Variants in EIF4G3 observed in about 807,000 individuals in gnomAD.
EIF4G3 encodes eIF-4-gamma 3.
EIF4G3 carries 34 observed loss-of-function variants against 186.4 expected under a neutral mutation model. The observed-to-expected ratio is 0.18, with a 90% CI of 0.14 to 0.24. The LOEUF is 0.24. Ranked by LOEUF, EIF4G3 falls within the 10% of genes least tolerant of loss-of-function variation. EIF4G3 has a pLI of 1.00. For synonymous variants in EIF4G3, 673 were observed against 679.5 expected (o/e 0.99, Z 0.15); for missense variants, 1,536 against 1,948.5 (o/e 0.79, Z 3.99).
chr1:20,882,312 C>A lies in EIF4G3; in HGVS notation c.2425-2792G>T, dbSNP rs574965388. Among the ~76,000 whole-genome samples, 13 of 151,732 alleles carry A rather than the reference C, an allele frequency of 8.6e-5. No individual in the cohort carries two copies. The South Asian group carries it at 2.7e-3, about 32-fold the overall frequency. The stretch of plus-strand genomic sequence containing the variant: ...GACTGCAGGAGGCCAGGAGTTTGGG[C>A]AACACTGCCTCTAAAAAATTTTTAG... On this transcript the variant is annotated intron_variant, in intron 19 of 36. Coordinates refer to ENST00000602326, the MANE Select transcript of EIF4G3 (RefSeq NM_001391906.1).
chr1:21,112,815 T>C (rs1268346615), intron 2 of EIF4G3, among the ~76,000 whole-genome samples: 3 of 152,190 alleles, frequency 2.0e-5, no homozygotes, highest in Non-Finnish European at 2.9e-5. Context: ...AGAAGGGGCA[T>C]ACTCAAAGTG....
chr1:21,148,650 C>T (rs113927259), intron 2 of EIF4G3, among the ~76,000 whole-genome samples: 2 of 148,356 alleles, frequency 1.3e-5, no homozygotes, highest in African/African-American at 5.0e-5. Context: ...TGCAGTGAGC[C>T]GAGATCGCGC....
At chr1:20,909,334 G>C (rs2092804599) in intron 14 of EIF4G3, among the ~76,000 whole-genome samples, 1 of 152,092 alleles carries the variant, frequency 6.6e-6, no homozygotes, top group Admixed American at 6.6e-5. Flanking sequence ...AGCTCTTAAA[G>C]AAACTGCTAA....
At chr1:21,044,649 G>GT (rs58303546) in intron 4 of EIF4G3, among the ~76,000 whole-genome samples, 1 of 124,200 alleles carries the variant, frequency 8.1e-6, no homozygotes, top group African/African-American at 2.9e-5. Flanking sequence ...TTTTTTTTTT[G>GT]TTTTTTTTTT....
At chr1:20,949,868 G>A in intron 13 of EIF4G3, 135 bp downstream of exon 13, 1 of 667,292 alleles carries the variant, frequency 1.5e-6, no homozygotes, top group Non-Finnish European at 2.5e-6. Context: ...TTAATTTTCT[G>A]CCTCAAAGCT....
chr1:20,923,940 A>G (rs2094681557), intron 14 of EIF4G3, among the ~76,000 whole-genome samples: 1 of 152,106 alleles, frequency 6.6e-6, no homozygotes, highest in Non-Finnish European at 1.5e-5. Context: ...CATGGTAGAT[A>G]TAAATTAGCA....
chr1:21,029,564 G>A (rs1013391376), intron 4 of EIF4G3, among the ~76,000 whole-genome samples: 1 of 152,032 alleles, frequency 6.6e-6, no homozygotes, highest in East Asian at 2.0e-4. Flanking sequence ...GAAGCCAGGA[G>A]TTTGAGACAA....
chr1:21,078,946 T>C (rs1221149715), intron 3 of EIF4G3, among the ~76,000 whole-genome samples: 4 of 152,098 alleles, frequency 2.6e-5, no homozygotes, highest in Non-Finnish European at 2.9e-5. Context: ...GATCATGCCA[T>C]TGCACTCCAA....
intron 12 of EIF4G3, among the ~76,000 whole-genome samples, chr1:20,969,182 A>G (rs1178425530): frequency 2.0e-5 from 3 of 152,262 alleles, no homozygotes; most frequent in Non-Finnish European, 4.4e-5. Flanking sequence ...TGAGGTTTCT[A>G]CAAGAATGCA....
intron 18 of EIF4G3, chr1:20,893,059 A>C (rs1420532494): frequency 9.2e-5 from 21 of 228,276 alleles, no homozygotes; most frequent in Non-Finnish European, 2.5e-5. Flanking sequence ...GACTATAAGC[A>C]TGCGCCAGCA....
intron 14 of EIF4G3, among the ~76,000 whole-genome samples, chr1:20,938,135 T>C (rs1439285686): frequency 6.6e-6 from 1 of 151,844 alleles, no homozygotes; most frequent in African/African-American, 2.4e-5. Context: ...TAGCTGGGAT[T>C]ACAGGCGCAT....
intron 2 of EIF4G3, among the ~76,000 whole-genome samples, chr1:21,173,502 C>T (rs988318076): frequency 6.6e-6 from 1 of 152,042 alleles, no homozygotes; most frequent in African/African-American, 2.4e-5. Flanking sequence ...GCCTGGTCAA[C>T]ATGGTGAAAC....
intron 25 of EIF4G3, among the ~76,000 whole-genome samples, chr1:20,856,652 G>A (rs1013502839): frequency 8.5e-5 from 13 of 152,144 alleles, no homozygotes; most frequent in African/African-American, 3.1e-4. Context: ...ATTTCTAGTA[G>A]GCCCTCTGTG....
chr1:21,044,881 C>T (rs1214823565), intron 4 of EIF4G3, among the ~76,000 whole-genome samples: 1 of 152,270 alleles, frequency 6.6e-6, no homozygotes, highest in East Asian at 1.9e-4. Context: ...TATAATCCCA[C>T]TACTTTGTGA....
chr1:21,021,033 G>A (rs1035258263), intron 4 of EIF4G3, among the ~76,000 whole-genome samples: 26 of 152,124 alleles, frequency 1.7e-4, no homozygotes, highest in African/African-American at 6.0e-4. Flanking sequence ...AGCCAGGCTG[G>A]AGTGCAGTGG....
intron 2 of EIF4G3, among the ~76,000 whole-genome samples, chr1:21,099,050 AAATT>A (rs1162102520): frequency 3.9e-5 from 6 of 152,158 alleles, no homozygotes; most frequent in African/African-American, 1.4e-4. Flanking sequence ...TAATGAATGC[AAATT>A]AAAACCAAAA....
At chr1:20,971,345 T>C (rs2075850848) in intron 11 of EIF4G3, among the ~76,000 whole-genome samples, 1 of 152,222 alleles carries the variant, frequency 6.6e-6, no homozygotes, top group African/African-American at 2.4e-5. Context: ...TATGGAAAAT[T>C]ATTTCTAATA....
intron 2 of EIF4G3, among the ~76,000 whole-genome samples, chr1:21,100,833 G>A (rs1005610517): frequency 2.6e-5 from 4 of 152,084 alleles, no homozygotes; most frequent in South Asian, 2.1e-4. Flanking sequence ...GGGCTTGGGC[G>A]GCAAACTACG....
At chr1:21,089,769 TA>T (rs1244486678) in intron 2 of EIF4G3, among the ~76,000 whole-genome samples, 1 of 147,740 alleles carries the variant, frequency 6.8e-6, no homozygotes, top group African/African-American at 2.5e-5. Context: ...AAAGCCTAAA[TA>T]AATCAGCATG....
Sources: gnomAD v4.1 joint callset for allele counts (sites outside exome capture counted in the v4.1 genomes callset) on GRCh38, gnomAD v4.1.1 for gene constraint, MANE v1.5 for transcripts, NCBI Gene and HGNC (gene_info 2026-07-23, HGNC 2026-07-21) for gene names.